LRRC1: variants seen among roughly 807,000 people sequenced by gnomAD.
LRRC1 encodes leucine-rich repeat-containing protein 1.
In LRRC1, 28 loss-of-function variants were observed where a neutral mutation model predicts 69.9. The observed-to-expected ratio is 0.40, with a 90% CI of 0.30 to 0.55. The LOEUF (loss-of-function observed/expected upper bound fraction) is 0.55. LRRC1 is among the 20% of genes least tolerant of loss of function. The pLI, the probability that LRRC1 is intolerant of heterozygous loss-of-function variation, is 0.47. For synonymous variants in LRRC1, 236 were observed against 240.2 expected, an observed-to-expected ratio of 0.98 and a Z score of 0.16; for missense variants, 498 against 609.0, an observed-to-expected ratio of 0.82 and a Z score of 1.92.
At chr6:53,911,947 G>A (rs899155915) in intron 10 of LRRC1, among the ~76,000 whole-genome samples, 2 of 152,184 alleles carry the variant, frequency 1.3e-5, no homozygotes, top group African/African-American at 4.8e-5. Context: ...ATTGGGGCTT[G>A]ATGTTTCTAA....
rs758005872 is a variant in LRRC1 at position 53,795,281 on chromosome 6, C to T, written c.25C>T (p.Arg9Trp). Residue 9 changes from arginine to tryptophan, a missense_variant, in exon 1 of 14, where the codon CGG becomes TGG. Physicochemically the swap from Arg to Trp is moderately radical, Grantham distance 101. Transcript: ENST00000370888. Reference protein sequence around the residue: MFHCIPLWRCNRHVESIDK... With the variant: MFHCIPLWWCNRHVESIDK... ...GATGTTCCACTGCATCCCCCTGTGGCGGTGCAACCGTCATGTGGAGAGCAT... is the reference window on the plus strand; with the variant it reads ...GATGTTCCACTGCATCCCCCTGTGGTGGTGCAACCGTCATGTGGAGAGCAT... The T allele has an allele frequency of 1.2e-6, 2 of 1,611,540 alleles. No homozygotes were observed. The highest frequency in any genetic ancestry group is 1.3e-5 in the African/African-American group (1 of 74,922).
chr6:53,798,637 C>T (rs1764374130), intron 1 of LRRC1, among the ~76,000 whole-genome samples: 1 of 152,222 alleles, frequency 6.6e-6, no homozygotes, highest in Admixed American at 6.5e-5. Flanking sequence ...CCTTAGCCTC[C>T]CAAAGTGCTG....
intron 1 of LRRC1, among the ~76,000 whole-genome samples, chr6:53,836,002 A>G (rs1765603686): frequency 2.0e-5 from 3 of 152,196 alleles, no homozygotes; most frequent in Admixed American, 2.0e-4. Flanking sequence ...ACATCAGGCA[A>G]ATTTCAAGCT....
chr6:53,901,566 GA>G (rs1180635075), intron 8 of LRRC1, among the ~76,000 whole-genome samples: 1 of 151,758 alleles, frequency 6.6e-6, no homozygotes, highest in African/African-American at 2.4e-5. Flanking sequence ...AAAAAGCAAA[GA>G]TATGTTACAA....
At chr6:53,867,047 C>T (rs1418498357) in intron 2 of LRRC1, among the ~76,000 whole-genome samples, 3 of 151,890 alleles carry the variant, frequency 2.0e-5, no homozygotes, top group South Asian at 2.1e-4. Context: ...TGGTCAAGAT[C>T]GTGGGTCAGG....
intron 2 of LRRC1, 28 bp downstream of exon 2, chr6:53,842,255 A>G (rs771670311): frequency 9.3e-6 from 14 of 1,507,604 alleles, no homozygotes; most frequent in African/African-American, 5.5e-5. Flanking sequence ...TGGGTTGCCT[A>G]TTTGTCTCTT....
At chr6:53,873,295 T>TTTTTC (rs1766957434) in intron 2 of LRRC1, among the ~76,000 whole-genome samples, 1 of 150,760 alleles carries the variant, frequency 6.6e-6, no homozygotes, top group Non-Finnish European at 1.5e-5. Context: ...TTTTCTTTTT[T>TTTTTC]TTTTTTTTTT....
intron 11 of LRRC1, among the ~76,000 whole-genome samples, chr6:53,915,176 TAA>T (rs1036897545): frequency 2.0e-5 from 3 of 152,174 alleles, no homozygotes; most frequent in Non-Finnish European, 4.4e-5. Flanking sequence ...GCCAGCAGTC[TAA>T]AGAGTGTTTG....
At position 53,892,009 on chromosome 6, in the gene LRRC1, T is replaced by TAC. The variant is rs761476094; in HGVS notation, c.447-4488_447-4487insCA. 5.2e-4 allele frequency among the ~76,000 whole-genome samples: 39 copies of TAC among 74,642 alleles called. No homozygotes were observed. In the South Asian group the frequency reaches 0.013, roughly 25 times the overall value. 49.0% of individuals were successfully genotyped at this position (74,642 alleles called of 152,430 possible). A position where few individuals can be genotyped will look rare whatever the true frequency, so the allele number is the denominator to read the frequency against. On this transcript the variant is annotated intron_variant, in intron 4 of 13. Coordinates refer to ENST00000370888, the MANE Select transcript of LRRC1 (RefSeq NM_018214.5). ...TCTGTCTAAAAAAAAAATATATATA[T>TAC]ATACACACACACACACACACACACA...
intron 2 of LRRC1, among the ~76,000 whole-genome samples, chr6:53,848,004 C>T (rs1401219892): frequency 1.3e-5 from 2 of 152,236 alleles, no homozygotes; most frequent in Non-Finnish European, 2.9e-5. Context: ...TCTCTCCTTT[C>T]TTGCAGCCTA....
At chr6:53,873,112 C>A (rs1221046882) in intron 2 of LRRC1, among the ~76,000 whole-genome samples, 1 of 151,772 alleles carries the variant, frequency 6.6e-6, no homozygotes, top group Non-Finnish European at 1.5e-5. Flanking sequence ...TTATTTATAT[C>A]CTCTTCAATT....
At chr6:53,874,359 G>GAT (rs1167735592) in intron 2 of LRRC1, among the ~76,000 whole-genome samples, 5 of 151,250 alleles carry the variant, frequency 3.3e-5, no homozygotes, top group South Asian at 4.2e-4. Context: ...ATATATATAT[G>GAT]ATATATATAT....
At chr6:53,839,065 T>A (rs1461653394) in intron 1 of LRRC1, among the ~76,000 whole-genome samples, 1 of 152,094 alleles carries the variant, frequency 6.6e-6, no homozygotes, top group African/African-American at 2.4e-5. Context: ...GTGGTCTTTA[T>A]AATATTTATT....
chr6:53,871,394 T>C (rs1766878978), intron 2 of LRRC1, among the ~76,000 whole-genome samples: 2 of 152,220 alleles, frequency 1.3e-5, no homozygotes, highest in Admixed American at 1.3e-4. Context: ...TTGGTAATGC[T>C]GGGCATTTTT....
intron 4 of LRRC1, among the ~76,000 whole-genome samples, chr6:53,889,318 A>G (rs1279107295): frequency 6.6e-6 from 1 of 152,092 alleles, no homozygotes; most frequent in East Asian, 1.9e-4. Context: ...TTAAAATTGA[A>G]CATAGTTACC....
chr6:53,895,634 T>C (rs1028860215), intron 4 of LRRC1, among the ~76,000 whole-genome samples: 4 of 152,216 alleles, frequency 2.6e-5, no homozygotes, highest in South Asian at 2.1e-4. Flanking sequence ...GGCAATAGAC[T>C]GTGTCACTTG....
chr6:53,913,186 A>G (rs983109195), intron 10 of LRRC1, among the ~76,000 whole-genome samples: 2 of 152,144 alleles, frequency 1.3e-5, no homozygotes, highest in African/African-American at 4.8e-5. Flanking sequence ...CTGCAGCTGA[A>G]GAAATGGATG....
chr6:53,879,906 C>A (rs374032136), intron 3 of LRRC1, among the ~76,000 whole-genome samples: 9 of 152,166 alleles, frequency 5.9e-5, no homozygotes, highest in African/African-American at 2.2e-4. Context: ...GAATTGTGCC[C>A]ACGTGCAATG....
intron 4 of LRRC1, among the ~76,000 whole-genome samples, chr6:53,894,592 T>A (rs1383851964): frequency 6.6e-6 from 1 of 152,262 alleles, no homozygotes; most frequent in African/African-American, 2.4e-5. Context: ...ACATTCATTT[T>A]AAAAATTTAA....
Sources: gnomAD v4.1 joint callset for allele counts (sites outside exome capture counted in the v4.1 genomes callset) on GRCh38, gnomAD v4.1.1 for gene constraint, MANE v1.5 for transcripts, NCBI Gene and HGNC (gene_info 2026-07-23, HGNC 2026-07-21) for gene names.